The following DLGAP2 variants were observed in gnomAD, a reference collection of about 807,000 sequenced individuals.
The protein encoded by DLGAP2 is disks large-associated protein 2.
DLGAP2 carries 26 observed loss-of-function variants against 100.3 expected under a neutral mutation model. The observed-to-expected ratio is 0.26, with a 90% confidence interval of 0.19 to 0.36. The LOEUF is 0.36. DLGAP2 is among the 10% of genes least tolerant of loss of function. The probability of loss-of-function intolerance (pLI) is 1.00; values close to 1 mark genes in which losing one functional copy is unlikely to be tolerated. For missense variants in DLGAP2, 1,858 were observed against 1,453.2 expected (o/e 1.28, Z -4.53); for synonymous variants, 886 against 630.1 (o/e 1.41, Z -6.08).
intron 1 of DLGAP2, among the ~76,000 whole-genome samples, chr8:892,578 A>C (rs1210329852): frequency 6.6e-6 from 1 of 152,086 alleles, no homozygotes; most frequent in Admixed American, 6.5e-5. Context: ...CTAGATGGAG[A>C]AAGCAAATGT....
At position 1,206,574 on chromosome 8, in the gene DLGAP2, G is replaced by A. The variant is rs371026795; in HGVS notation, c.74-52277G>A. ...GGTTAATCTCCAGCCATCCGTGGGC[G>A]GGGGTAGACTGTGAGCAGTTAATCT... is the stretch of plus-strand genomic sequence containing the variant. On this transcript the variant is annotated intron_variant, in intron 2 of 14. Transcript: ENST00000637795. Among the ~76,000 whole-genome samples, 6 of 33,628 alleles carry A rather than the reference G, an allele frequency of 1.8e-4. No individual in the cohort carries two copies. In the South Asian group the frequency reaches 6.3e-3, roughly 35 times the overall value. 22.1% of individuals were successfully genotyped at this position (33,628 alleles called of 152,430 possible). A position where few individuals can be genotyped will look rare whatever the true frequency, so the allele number is the denominator to read the frequency against.
chr8:1,192,691 C>T (rs1466814583), intron 2 of DLGAP2, among the ~76,000 whole-genome samples: 13 of 146,798 alleles, frequency 8.9e-5, no homozygotes, highest in African/African-American at 2.5e-4. Flanking sequence ...TATTATTATA[C>T]TTTAAGTTTT....
intron 3 of DLGAP2, among the ~76,000 whole-genome samples, chr8:1,474,065 A>G (rs759460333): frequency 6.6e-6 from 1 of 152,028 alleles, no homozygotes; most frequent in Non-Finnish European, 1.5e-5. Flanking sequence ...CCCAAAGTCC[A>G]TTGTATCATT....
intron 2 of DLGAP2, among the ~76,000 whole-genome samples, chr8:1,253,164 A>C (rs1248248507): frequency 1.3e-5 from 2 of 152,222 alleles, no homozygotes; most frequent in Non-Finnish European, 2.9e-5. Flanking sequence ...AGCCTCAGGA[A>C]AGCGGTACCC....
intron 4 of DLGAP2, among the ~76,000 whole-genome samples, chr8:1,525,115 A>AT (rs1800748756): frequency 1.4e-5 from 2 of 143,546 alleles, no homozygotes; most frequent in Admixed American, 1.4e-4. Context: ...CAGCTTCTGG[A>AT]TTTTCAGCTG....
At chr8:1,040,266 C>T (rs1341937522) in intron 2 of DLGAP2, among the ~76,000 whole-genome samples, 15 of 147,162 alleles carry the variant, frequency 1.0e-4, no homozygotes, top group Middle Eastern at 4.0e-3. Flanking sequence ...ATGGTCAGCT[C>T]GGTGTGCGTG....
chr8:802,615 C>G (rs1022494734), intron 1 of DLGAP2, among the ~76,000 whole-genome samples: 11 of 152,150 alleles, frequency 7.2e-5, no homozygotes, highest in African/African-American at 2.2e-4. Context: ...CCTCAGAACC[C>G]ACAGCCCCCG....
intron 8 of DLGAP2, among the ~76,000 whole-genome samples, chr8:1,634,919 CA>C (rs1159493212): frequency 2.6e-5 from 4 of 151,612 alleles, no homozygotes; most frequent in Non-Finnish European, 4.4e-5. Context: ...AAATAAATTA[CA>C]AAAAAAAGAT....
At chr8:1,116,232 T>C (rs1415292717) in intron 2 of DLGAP2, among the ~76,000 whole-genome samples, 1 of 152,172 alleles carries the variant, frequency 6.6e-6, no homozygotes, top group Non-Finnish European at 1.5e-5. Flanking sequence ...CCCGTTCATC[T>C]GGGTCCTGAC....
intron 4 of DLGAP2, among the ~76,000 whole-genome samples, chr8:1,507,972 C>T (rs1799993008): frequency 6.6e-6 from 1 of 151,950 alleles, no homozygotes; most frequent in South Asian, 2.1e-4. Flanking sequence ...CACGTGGTCA[C>T]ATGAAAGGCC....
intron 1 of DLGAP2, among the ~76,000 whole-genome samples, chr8:749,101 G>T (rs1585821192): frequency 6.6e-6 from 1 of 152,168 alleles, no homozygotes; most frequent in Non-Finnish European, 1.5e-5. Flanking sequence ...CTGGGCTCAG[G>T]TGATATTCCT....
intron 2 of DLGAP2, among the ~76,000 whole-genome samples, chr8:1,193,938 G>A (rs1000648193): frequency 8.5e-5 from 13 of 152,154 alleles, no homozygotes; most frequent in African/African-American, 2.9e-4. Flanking sequence ...TTCGTTCTCA[G>A]TAATTTAAGG....
chr8:1,493,731 T>C (rs1269527537), intron 3 of DLGAP2, among the ~76,000 whole-genome samples: 1 of 152,196 alleles, frequency 6.6e-6, no homozygotes, highest in Non-Finnish European at 1.5e-5. Context: ...CACTGCCTGC[T>C]GCCATCTCCC....
In DLGAP2 at chr8:973,763, C is replaced by T. The variant is rs1043863137; in HGVS notation, c.73+65797C>T. Among the ~76,000 whole-genome samples the T allele has an allele frequency of 5.3e-4, 80 of 152,268 alleles. 1 individual carries two copies. The highest frequency in any genetic ancestry group is 1.5e-3 in the East Asian group (8 of 5,172). On this transcript the variant is annotated intron_variant, in intron 2 of 14. Transcript: ENST00000637795. ...AGATCATGGAGGGAAGGCAAATATA[C>T]GCGCGGCTGAGCGGAGGCGAATCCG...
chr8:1,331,025 A>ACTGAGTTCTGGGTG (rs1801146590), intron 3 of DLGAP2, among the ~76,000 whole-genome samples: 1 of 147,624 alleles, frequency 6.8e-6, no homozygotes, highest in Admixed American at 7.0e-5. Context: ...TCTGGGTGGG[A>ACTGAGTTCTGGGTG]GCACCGCTTC....
intron 2 of DLGAP2, among the ~76,000 whole-genome samples, chr8:1,042,258 C>A (rs1273297037): frequency 1.3e-5 from 2 of 152,192 alleles, no homozygotes; most frequent in African/African-American, 4.8e-5. Context: ...ATTCTTGGGG[C>A]ACAGCCTTGT....
intron 3 of DLGAP2, among the ~76,000 whole-genome samples, chr8:1,344,290 G>T (rs1801504765): frequency 6.6e-6 from 1 of 151,232 alleles, no homozygotes; most frequent in African/African-American, 2.5e-5. Flanking sequence ...CATTGTGGGT[G>T]GCTGGCGGGT....
chr8:1,149,277 T>A (rs1201153727), intron 2 of DLGAP2, among the ~76,000 whole-genome samples: 1 of 152,014 alleles, frequency 6.6e-6, no homozygotes, highest in African/African-American at 2.4e-5. Context: ...TCCCGAGTAG[T>A]TGGGACTACA....
At chr8:1,187,559 C>G (rs1797536205) in intron 2 of DLGAP2, among the ~76,000 whole-genome samples, 1 of 147,446 alleles carries the variant, frequency 6.8e-6, no homozygotes, top group South Asian at 2.2e-4. Context: ...TGACGTTTGC[C>G]TCACGGAATC....
Sources: allele counts gnomAD v4.1 joint callset (sites outside exome capture counted in the v4.1 genomes callset), GRCh38; gene constraint gnomAD v4.1.1; transcripts MANE v1.5; gene names NCBI Gene and HGNC (gene_info 2026-07-23, HGNC 2026-07-21).